The following PAIP1 variants were observed in gnomAD, a reference collection of about 807,000 sequenced individuals.
The protein encoded by PAIP1 is poly(A) binding protein interacting protein 1, also known as polyadenylate-binding protein-interacting protein 1.
PAIP1 carries 16 observed loss-of-function variants against 61.3 expected under a neutral mutation model. The ratio of observed to expected loss-of-function variants is 0.26; its 90% confidence interval spans 0.18 to 0.40. PAIP1 has a LOEUF of 0.40. PAIP1 is among the 10% of genes least tolerant of loss of function. The pLI, the probability that PAIP1 is intolerant of heterozygous loss-of-function variation, is 1.00. For missense variants in PAIP1, 416 were observed against 600.9 expected (o/e 0.69, Z 3.22); for synonymous variants, 187 against 226.2 (o/e 0.83, Z 1.56).
intron 4 of PAIP1, among the ~76,000 whole-genome samples, chr5:43,539,836 A>G (rs1268516579): frequency 6.6e-6 from 1 of 152,228 alleles, no homozygotes; most frequent in Non-Finnish European, 1.5e-5. Context: ...AGATATTGTT[A>G]CTAACATAGA....
At chr5:43,547,969 A>G in intron 2 of PAIP1, 56 bp from the exon 3 acceptor site, 1 of 1,096,600 alleles carries the variant, frequency 9.1e-7, no homozygotes, top group South Asian at 1.4e-5. Context: ...TAAAACACAC[A>G]AGGTGGTATG....
At chr5:43,535,035 TCA>T in intron 7 of PAIP1, 65 bp from the exon 8 acceptor site, 1 of 844,800 alleles carries the variant, frequency 1.2e-6, no homozygotes, top group Non-Finnish European at 2.0e-6. Flanking sequence ...CTAAAATATC[TCA>T]GATTCCCAAA....
intron 4 of PAIP1, 55 bp from the exon 5 acceptor site, chr5:43,539,090 A>G: frequency 8.8e-7 from 1 of 1,130,144 alleles, no homozygotes; most frequent in Non-Finnish European, 1.3e-6. Flanking sequence ...TTAAATAGTC[A>G]AACAAAATAA....
chr5:43,553,080 G>A (rs576407001), intron 2 of PAIP1, among the ~76,000 whole-genome samples: 1 of 152,280 alleles, frequency 6.6e-6, no homozygotes, highest in South Asian at 2.1e-4. Flanking sequence ...TGCAGGGGAG[G>A]AAGGGGACTT....
At chr5:43,535,670 A>T in intron 6 of PAIP1, 30 bp from the exon 7 acceptor site, 1 of 1,151,188 alleles carries the variant, frequency 8.7e-7, no homozygotes, top group African/African-American at 1.5e-5. Context: ...TAAAATAAGA[A>T]ATTCAATAGT....
In PAIP1 at chr5:43,536,920, T is replaced by C; in HGVS notation, c.871A>G (p.Thr291Ala). Residue 291 changes from threonine to alanine, a missense_variant, in exon 6 of 11, where the codon ACA becomes GCA. Thr to Ala is a moderately conservative substitution (Grantham distance 58). This residue lies in a region of PAIP1 where 135 missense variants were observed against 283.9 expected (regional missense o/e 0.48). Coordinates refer to ENST00000306846, the MANE Select transcript of PAIP1 (RefSeq NM_006451.5). ...CCAACCTGAAGAATATCTGCTCTTG[T>C]AACCTGTCCATTTGTTCCCTTGATC... ...LEIKGTNGQV[T>A]RADILQVGLR... is the part of the protein sequence containing the mutation. The C allele has an allele frequency of 6.3e-7, 1 of 1,585,606 alleles. No homozygotes were observed. Among genetic ancestry groups the C allele is most frequent in the East Asian group, 2.3e-5 (1 of 44,040 alleles).
intron 10 of PAIP1, among the ~76,000 whole-genome samples, chr5:43,528,008 A>G (rs564912979): frequency 2.8e-4 from 42 of 152,282 alleles, no homozygotes; most frequent in African/African-American, 9.9e-4. Context: ...TACTTTTGAG[A>G]TCATCTATTC....
chr5:43,544,359 T>TAA (rs1460510562), intron 3 of PAIP1, among the ~76,000 whole-genome samples: 1 of 152,158 alleles, frequency 6.6e-6, no homozygotes, highest in Non-Finnish European at 1.5e-5. Context: ...ACATCATGTA[T>TAA]GTTTAGCTGG....
chr5:43,554,131 A>G (rs1235867147), intron 2 of PAIP1, among the ~76,000 whole-genome samples: 2 of 152,182 alleles, frequency 1.3e-5, no homozygotes, highest in Non-Finnish European at 2.9e-5. Context: ...TAGGTGGACT[A>G]ACATGACTTT....
intron 2 of PAIP1, among the ~76,000 whole-genome samples, chr5:43,551,065 G>C (rs969721932): frequency 3.3e-5 from 5 of 152,080 alleles, no homozygotes; most frequent in South Asian, 2.1e-4. Flanking sequence ...GGTCAATGAG[G>C]CAGATAAGGA....
At chr5:43,546,102 G>A (rs913665953) in intron 3 of PAIP1, among the ~76,000 whole-genome samples, 11 of 152,144 alleles carry the variant, frequency 7.2e-5, no homozygotes, top group African/African-American at 2.4e-4. Flanking sequence ...ATACTTCCTC[G>A]TTTGTTAGTT....
At chr5:43,538,846 T>G (rs570234830) in intron 5 of PAIP1, 78 bp downstream of exon 5, 255 of 771,438 alleles carry the variant, frequency 3.3e-4, no homozygotes, top group Admixed American at 4.9e-4. Flanking sequence ...AAAAGTACAA[T>G]GTGAACACAA....
At position 43,556,568 on chromosome 5, in the gene PAIP1, G is replaced by A. The variant is rs1042783359; in HGVS notation, c.265+14C>T. ...TCGCCAAGGAGGACTGGGGCCCTTA[G>A]AGCTGCTCCGTACCTGGGAGCGCCC... On this transcript the variant is annotated intron_variant, in intron 1 of 10. Transcript: ENST00000306846. The A allele has an allele frequency of 6.4e-6, 8 of 1,251,960 alleles. No homozygotes were observed. The highest frequency in any genetic ancestry group is 1.6e-5 in the African/African-American group (1 of 64,412). 77.6% of individuals were successfully genotyped at this position (1,251,960 alleles called of 1,614,324 possible). A position where few individuals can be genotyped will look rare whatever the true frequency, so the allele number is the denominator to read the frequency against.
In PAIP1 at chr5:43,557,017, C is replaced by G. The variant is rs140710260; in HGVS notation, c.-171G>C. ...TGCTCGGTGCTTCTGGCGGAGCGGA[C>G]GGCAGCCCGAGCACCCGCCGCTCCA... is the stretch of plus-strand genomic sequence containing the variant. On this transcript the variant is annotated 5_prime_UTR_variant, in exon 1 of 11. Transcript: ENST00000306846. 7.7e-5 allele frequency: 90 copies of G among 1,162,720 alleles called. No individual in the cohort carries two copies. The African/African-American group carries it at 1.1e-3, about 14-fold the overall frequency. The allele number at this position is 1,162,720 out of a possible 1,614,324, so 72.0% of individuals were successfully genotyped here. A position where few individuals can be genotyped will look rare whatever the true frequency, so the allele number is the denominator to read the frequency against.
chr5:43,535,575 A>C lies in PAIP1; in HGVS notation c.1038T>G (p.Ile346Met). The change falls in exon 7 of 11, where the codon ATT (isoleucine) becomes ATG (methionine). Residue 346 changes from isoleucine (I) to methionine (M), a missense_variant. Transcript: ENST00000306846. ...CTAGGACAACGTTTTCAATTCTCTG[A>C]ATAATTTCTTCCATATCCATCTTTC... Reference protein sequence around the residue: ...EKGKMDMEEIIQRIENVVLDA... With the variant: ...EKGKMDMEEIMQRIENVVLDA... 1 of 1,604,250 alleles carries C rather than the reference A, an allele frequency of 6.2e-7. No homozygotes were observed. Among genetic ancestry groups the C allele is most frequent in the Non-Finnish European group, 8.5e-7 (1 of 1,172,546 alleles).
At chr5:43,555,084 A>T (rs1157828869) in intron 2 of PAIP1, among the ~76,000 whole-genome samples, 1 of 152,236 alleles carries the variant, frequency 6.6e-6, no homozygotes, top group Non-Finnish European at 1.5e-5. Flanking sequence ...TATCCTATGA[A>T]GTCAAAACAG....
intron 10 of PAIP1, 138 bp downstream of exon 10, chr5:43,529,648 T>TC (rs1746858621): frequency 1.5e-6 from 1 of 658,258 alleles, no homozygotes; most frequent in Admixed American, 2.4e-5. Flanking sequence ...CTCCTCAGCC[T>TC]CCCAAAGTGT....
At chr5:43,547,203 G>C (rs1747671747) in intron 3 of PAIP1, among the ~76,000 whole-genome samples, 1 of 152,108 alleles carries the variant, frequency 6.6e-6, no homozygotes, top group Non-Finnish European at 1.5e-5. Flanking sequence ...GCAAAGGCAA[G>C]TAGAAATGCT....
chr5:43,557,060 G>A lies in PAIP1; in HGVS notation c.-214C>T, dbSNP rs1253353409. 2 of 851,048 alleles carry A rather than the reference G, an allele frequency of 2.4e-6. No individual in the cohort carries two copies. The highest frequency in any genetic ancestry group is 3.1e-6 in the Non-Finnish European group (2 of 639,880). 52.7% of individuals were successfully genotyped at this position (851,048 alleles called of 1,614,324 possible). ...CCGCTCCAGAGCGCCCGCCCCGCTC[G>A]GCTACCCTCGGCTTTCCAGTTCTCC... On this transcript the variant is annotated 5_prime_UTR_variant, in exon 1 of 11. Transcript: ENST00000306846.
Sources: allele counts gnomAD v4.1 joint callset (sites outside exome capture counted in the v4.1 genomes callset), GRCh38; gene constraint gnomAD v4.1.1; regional missense constraint gnomAD v4.1.1; transcripts MANE v1.5; gene names NCBI Gene and HGNC (gene_info 2026-07-23, HGNC 2026-07-21).